ZNF236: variants seen among roughly 807,000 people sequenced by gnomAD.
ZNF236 encodes regulated by glucose.
ZNF236 carries 50 observed loss-of-function variants against 191.2 expected under a neutral mutation model. That is an observed-to-expected ratio of 0.26 (90% CI 0.21 to 0.33). ZNF236 has a LOEUF of 0.33. ZNF236 is among the 10% of genes least tolerant of loss of function. The probability of loss-of-function intolerance (pLI) is 1.00; values close to 1 mark genes in which losing one functional copy is unlikely to be tolerated. For missense variants in ZNF236, 1,754 were observed against 2,374.5 expected (o/e 0.74, Z 5.43); for synonymous variants, 907 against 928.8 (o/e 0.98, Z 0.43).
At chr18:76,915,977 C>T in intron 19 of ZNF236, 118 bp downstream of exon 19, 2 of 853,610 alleles carry the variant, frequency 2.3e-6, no homozygotes, top group Non-Finnish European at 3.5e-6. Flanking sequence ...TCAGTAGCAC[C>T]CTGAGTTTTT....
Position 76,905,140 on chromosome 18 carries a change from G to A in ZNF236, c.2037-15G>A, listed in dbSNP as rs755835229. ...ATAAGAAACATATTCATTAAAATGTGTATTTTTTTTTAAGATCCCATACAG... is the reference window on the plus strand; with the variant it reads ...ATAAGAAACATATTCATTAAAATGTATATTTTTTTTTAAGATCCCATACAG... On this transcript the variant is annotated splice_polypyrimidine_tract_variant and intron_variant, in intron 12 of 30. Coordinates refer to ENST00000320610, the MANE Select transcript of ZNF236 (RefSeq NM_001306089.2). The A allele has an allele frequency of 4.4e-6, 7 of 1,595,048 alleles. No individual in the cohort carries two copies. The highest frequency in any genetic ancestry group is 1.1e-5 in the South Asian group (1 of 88,540).
Position 76,915,645 on chromosome 18 carries a change from A to C in ZNF236, c.3062-2A>C. 6.2e-7 allele frequency: 1 copy of C among 1,613,628 alleles called. No homozygotes were observed. The highest frequency in any genetic ancestry group is 8.5e-7 in the Non-Finnish European group (1 of 1,179,992). ...CCGTTTTTTCTGTTTCTGTGCTTGC[A>C]GGAGTGAAGGCGTTCAGCTGCAGTG... is the stretch of plus-strand genomic sequence containing the variant. On this transcript the variant is annotated splice_acceptor_variant, in intron 18 of 30. Transcript: ENST00000320610. LOFTEE classifies it high-confidence loss of function.
At chr18:76,931,481 C>T (rs1424632560) in intron 25 of ZNF236, among the ~76,000 whole-genome samples, 7 of 152,074 alleles carry the variant, frequency 4.6e-5, no homozygotes, top group Admixed American at 3.3e-4. Flanking sequence ...TTTTATTCAA[C>T]TGTACAAAGC....
chr18:76,846,940 G>T (rs544693436), intron 1 of ZNF236, among the ~76,000 whole-genome samples: 1 of 151,930 alleles, frequency 6.6e-6, no homozygotes, highest in Non-Finnish European at 1.5e-5. Flanking sequence ...GATTACAGGC[G>T]TGCGCCATCA....
chr18:76,910,129 C>T lies in ZNF236; in HGVS notation c.2613C>T (p.Ser871=), dbSNP rs1453452720. Residue 871 remains serine, a synonymous_variant, in exon 15 of 31, where the codon AGC becomes AGT. Coordinates refer to ENST00000320610, the MANE Select transcript of ZNF236 (RefSeq NM_001306089.2). The part of the protein sequence containing the change: ...RGHVDQFEEQ[S]PAQQSFEPAG... Reference sequence around the variant, plus strand: ...ACGTAGACCAGTTTGAAGAGCAGAGCCCTGCGCAACAGTCCTTCGAACCAG... The same window carrying T: ...ACGTAGACCAGTTTGAAGAGCAGAGTCCTGCGCAACAGTCCTTCGAACCAG... The T allele has an allele frequency of 2.5e-6, 4 of 1,613,398 alleles. No homozygotes were observed. Among genetic ancestry groups the T allele is most frequent in the Admixed American group, 1.7e-5 (1 of 59,990 alleles).
chr18:76,860,856 C>T (rs1156882969), intron 3 of ZNF236, among the ~76,000 whole-genome samples: 1 of 152,220 alleles, frequency 6.6e-6, no homozygotes, highest in Admixed American at 6.5e-5. Context: ...TTTCTCCCTT[C>T]AGCACACAGC....
rs764610404 is a variant in ZNF236 at position 76,881,403 on chromosome 18, T to C, written c.1308T>C (p.Asn436=). 6.8e-6 allele frequency: 11 copies of C among 1,613,244 alleles called. No individual in the cohort carries two copies. The highest frequency in any genetic ancestry group is 1.3e-5 in the African/African-American group (1 of 74,616). Residue 436 remains asparagine, a synonymous_variant, in exon 9 of 31, where the codon AAT becomes AAC. Transcript: ENST00000320610. The stretch of plus-strand genomic sequence containing the variant: ...ACCCAGATGTTTCCAGCGTTTCAAA[T>C]GAGCAGACGGACCCCACAGACGCAG... The part of the protein sequence containing the change: ...AQNPDVSSVS[N]EQTDPTDAEQ...
At position 76,970,924 on chromosome 18, in the gene ZNF236, G is replaced by A. The variant is rs1968899587; in HGVS notation, c.*2585G>A. Among the ~76,000 whole-genome samples the A allele has an allele frequency of 6.6e-6, 1 of 152,276 alleles. No homozygotes were observed. ...AAAATCAGGGCATGGCTCCGCGACA[G>A]CGAGCCGTGGGCGTCAGCACAGTGC... On this transcript the variant is annotated 3_prime_UTR_variant, in exon 31 of 31. Transcript: ENST00000320610.
At chr18:76,844,397 G>A (rs1436883669) in intron 1 of ZNF236, among the ~76,000 whole-genome samples, 1 of 152,152 alleles carries the variant, frequency 6.6e-6, no homozygotes, top group East Asian at 1.9e-4. Context: ...TGGGTGCCTG[G>A]CCAGGGGGCT....
rs538429485 is a variant in ZNF236 at position 76,945,867 on chromosome 18, A to G, written c.4783-1654A>G. On this transcript the variant is annotated intron_variant, in intron 26 of 30. Transcript: ENST00000320610. ...TATATGGAGATACCTAAAATAGCCT[A>G]ATTTTGCTTTTTTAAAAAGCTGCAT... Among the ~76,000 whole-genome samples the G allele has an allele frequency of 4.6e-5, 7 of 152,360 alleles. No homozygotes were observed. The South Asian group carries it at 6.2e-4, about 14-fold the overall frequency.
intron 1 of ZNF236, among the ~76,000 whole-genome samples, chr18:76,823,366 G>T (rs1304501859): frequency 2.0e-5 from 3 of 151,702 alleles, no homozygotes; most frequent in Admixed American, 2.0e-4. Flanking sequence ...AGTGCATACA[G>T]TAGGCGCCAT....
In ZNF236 at chr18:76,915,723, A is replaced by G; in HGVS notation, c.3138A>G (p.Thr1046=). The change falls in exon 19 of 31, where the codon ACA becomes ACG. Residue 1046 remains threonine (T), a synonymous_variant. Coordinates refer to ENST00000320610, the MANE Select transcript of ZNF236 (RefSeq NM_001306089.2). ...TNGSLTRHMA[T]HMSMKPYKCP... ...GCAGCCTCACCCGGCACATGGCCAC[A>G]CATATGAGCATGAAGCCTTATAAGT... The G allele has an allele frequency of 6.2e-7, 1 of 1,614,204 alleles. No homozygotes were observed. Among genetic ancestry groups the G allele is most frequent in the Non-Finnish European group, 8.5e-7 (1 of 1,180,040 alleles).
intron 9 of ZNF236, among the ~76,000 whole-genome samples, chr18:76,891,946 A>G (rs1240642452): frequency 1.3e-5 from 2 of 152,086 alleles, no homozygotes; most frequent in Admixed American, 1.3e-4. Context: ...ATTTTTCACT[A>G]TTTTCACATA....
chr18:76,933,722 T>G (rs1232333871), intron 25 of ZNF236, among the ~76,000 whole-genome samples: 1 of 152,204 alleles, frequency 6.6e-6, no homozygotes, highest in Non-Finnish European at 1.5e-5. Flanking sequence ...CTTGAATACC[T>G]TTGGCATCTT....
rs1491372008 is a variant in ZNF236, at chr18:76,853,832, GAA to G, written c.363+1895_363+1896del. Among the ~76,000 whole-genome samples the G allele has an allele frequency of 1.1e-4, 17 of 152,094 alleles. No individual in the cohort carries two copies. The South Asian group carries it at 1.2e-3, about 11-fold the overall frequency. ...TCAAGACCAGCCTGGCCAACATGGTGAAACCCTGTCTCTATTAAAAATACAAA... is the reference window on the plus strand; with the variant it reads ...TCAAGACCAGCCTGGCCAACATGGTGACCCTGTCTCTATTAAAAATACAAA... On this transcript the variant is annotated intron_variant, in intron 3 of 30. Transcript: ENST00000320610.
At position 76,944,155 on chromosome 18, in the gene ZNF236, T is replaced by A. The variant is rs529089525; in HGVS notation, c.4783-3366T>A. ...TGGGTGGGGCTGGCGTCTGTGCTGTTCATTACCCACCTTCCCTGTGACTCT... is the reference window on the plus strand; with the variant it reads ...TGGGTGGGGCTGGCGTCTGTGCTGTACATTACCCACCTTCCCTGTGACTCT... On this transcript the variant is annotated intron_variant, in intron 26 of 30. Transcript: ENST00000320610. Among the ~76,000 whole-genome samples the A allele has an allele frequency of 3.3e-5, 5 of 152,284 alleles. No individual in the cohort carries two copies. The South Asian group carries it at 1.0e-3, about 32-fold the overall frequency.
At chr18:76,881,616 G>A (rs758915331) in intron 9 of ZNF236, 104 bp downstream of exon 9, 5 of 1,034,892 alleles carry the variant, frequency 4.8e-6, no homozygotes, top group Non-Finnish European at 6.9e-6. Context: ...GGATATGTTT[G>A]TTGAATGTTT....
intron 6 of ZNF236, among the ~76,000 whole-genome samples, chr18:76,876,043 T>G (rs1033145037): frequency 1.3e-5 from 2 of 152,232 alleles, no homozygotes; most frequent in Admixed American, 6.5e-5. Flanking sequence ...AAAAAAGTGT[T>G]TTTCTTACTG....
chr18:76,868,477 C>T (rs1436064760), intron 3 of ZNF236, among the ~76,000 whole-genome samples: 1 of 152,126 alleles, frequency 6.6e-6, no homozygotes, highest in East Asian at 1.9e-4. Context: ...CTTTTTCTTC[C>T]AATAAAGAAA....
Sources: allele counts gnomAD v4.1 joint callset (sites outside exome capture counted in the v4.1 genomes callset), GRCh38; gene constraint gnomAD v4.1.1; transcripts MANE v1.5; gene names NCBI Gene and HGNC (gene_info 2026-07-23, HGNC 2026-07-21).